Variants in TMTC2 observed in about 807,000 individuals in gnomAD.
The protein encoded by TMTC2 is protein O-mannosyl-transferase TMTC2.
TMTC2 carries 43 observed loss-of-function variants against 82.4 expected under a neutral mutation model. That is an observed-to-expected ratio of 0.52 (90% CI 0.41 to 0.67). TMTC2 has a LOEUF of 0.67. Among genes scored for constraint, TMTC2 ranks in the 30% least tolerant of loss-of-function variants. The probability of loss-of-function intolerance (pLI) is 0.00; values close to 1 mark genes in which losing one functional copy is unlikely to be tolerated. For missense variants in TMTC2, 919 were observed against 1,012.4 expected (o/e 0.91, Z 1.25); for synonymous variants, 408 against 381.9 (o/e 1.07, Z -0.80).
rs531217023 is a variant in TMTC2 at position 82,849,765 on chromosome 12, T to C, written c.84-7245T>C. Among the ~76,000 whole-genome samples the C allele has an allele frequency of 1.3e-5, 2 of 152,266 alleles. 1 individual carries two copies. The highest frequency in any genetic ancestry group is 4.8e-5 in the African/African-American group (2 of 41,518). ...TACTTTATGACTAAGAGGCATTTAC[T>C]GGCTTATTTGACAGTATAGTACTAG... On this transcript the variant is annotated intron_variant, in intron 1 of 11. Coordinates refer to ENST00000321196, the MANE Select transcript of TMTC2 (RefSeq NM_152588.3).
intron 1 of TMTC2, among the ~76,000 whole-genome samples, chr12:82,716,902 C>T (rs1425025413): frequency 6.6e-6 from 1 of 152,096 alleles, no homozygotes; most frequent in African/African-American, 2.4e-5. Context: ...GCTCTTTCTG[C>T]AATTTGTTGA....
chr12:82,866,213 A>G (rs1266966227), intron 2 of TMTC2, among the ~76,000 whole-genome samples: 1 of 151,280 alleles, frequency 6.6e-6, no homozygotes. Flanking sequence ...GAAAAAATCA[A>G]TGAATCCAGG....
intron 11 of TMTC2, among the ~76,000 whole-genome samples, chr12:83,076,349 G>A (rs1883282607): frequency 6.6e-6 from 1 of 152,062 alleles, no homozygotes; most frequent in South Asian, 2.1e-4. Flanking sequence ...CAAAACCTTT[G>A]GGAAATTTCA....
intron 1 of TMTC2, among the ~76,000 whole-genome samples, chr12:82,846,618 G>A (rs1292164961): frequency 2.0e-5 from 3 of 152,044 alleles, no homozygotes; most frequent in East Asian, 1.9e-4. Context: ...GGAAAAACTC[G>A]TAAAGGGATG....
At chr12:82,723,972 G>A (rs1404610839) in intron 1 of TMTC2, among the ~76,000 whole-genome samples, 2 of 152,180 alleles carry the variant, frequency 1.3e-5, no homozygotes, top group Admixed American at 6.5e-5. Flanking sequence ...GGTGACCCTG[G>A]ATAAACCACT....
intron 4 of TMTC2, among the ~76,000 whole-genome samples, chr12:82,937,773 T>TATATAC (rs1876444394): frequency 8.1e-5 from 2 of 24,586 alleles, no homozygotes; most frequent in African/African-American, 2.4e-4. Flanking sequence ...TATATATATA[T>TATATAC]ATATATATAT....
intron 8 of TMTC2, chr12:82,986,554 C>T (rs1025759518): frequency 2.0e-5 from 3 of 153,200 alleles, no homozygotes; most frequent in Non-Finnish European, 2.9e-5. Flanking sequence ...TTCTACAAAC[C>T]AGTGTTAGCC....
chr12:83,018,602 C>A (rs534281335), intron 8 of TMTC2, among the ~76,000 whole-genome samples: 27 of 151,632 alleles, frequency 1.8e-4, no homozygotes, highest in Non-Finnish European at 2.4e-4. Flanking sequence ...TATTGGAAAC[C>A]AGTTTTTCAT....
At chr12:82,717,661 A>C (rs1873963893) in intron 1 of TMTC2, among the ~76,000 whole-genome samples, 1 of 152,172 alleles carries the variant, frequency 6.6e-6, no homozygotes, top group Non-Finnish European at 1.5e-5. Flanking sequence ...TCAATTATAC[A>C]ATATACTTTA....
chr12:83,083,534 A>G (rs1329519972), intron 11 of TMTC2, among the ~76,000 whole-genome samples: 5 of 152,134 alleles, frequency 3.3e-5, no homozygotes, highest in Non-Finnish European at 7.3e-5. Flanking sequence ...CCTCTCTAGA[A>G]CATGAATTCT....
intron 3 of TMTC2, among the ~76,000 whole-genome samples, chr12:82,922,863 G>T (rs747588943): frequency 6.6e-6 from 1 of 152,032 alleles, no homozygotes; most frequent in African/African-American, 2.4e-5. Context: ...TCCTAATGCT[G>T]CATAGGAGTG....
chr12:82,772,100 A>G (rs1877345466), intron 1 of TMTC2, among the ~76,000 whole-genome samples: 1 of 152,042 alleles, frequency 6.6e-6, no homozygotes, highest in Non-Finnish European at 1.5e-5. Context: ...TTCCTGCTGC[A>G]TTTGTTGTTT....
chr12:82,706,026 A>G (rs1160096947), intron 1 of TMTC2, among the ~76,000 whole-genome samples: 1 of 151,992 alleles, frequency 6.6e-6, no homozygotes, highest in African/African-American at 2.4e-5. Flanking sequence ...ATGAGAGAGA[A>G]GGCTGGGTGA....
chr12:82,955,149 T>C (rs537478436), intron 4 of TMTC2, among the ~76,000 whole-genome samples: 86 of 152,332 alleles, frequency 5.6e-4, no homozygotes, highest in African/African-American at 1.8e-3. Context: ...AAGGCTGTTC[T>C]GTGCCTTGTA....
At chr12:82,696,314 A>G (rs993229936) in intron 1 of TMTC2, among the ~76,000 whole-genome samples, 1 of 152,210 alleles carries the variant, frequency 6.6e-6, no homozygotes, top group African/African-American at 2.4e-5. Flanking sequence ...TAGGAAGGTT[A>G]TTCTTGTTAT....
chr12:82,867,958 T>A (rs1871952708), intron 2 of TMTC2, among the ~76,000 whole-genome samples: 1 of 152,226 alleles, frequency 6.6e-6, no homozygotes. Context: ...GCCATTGGAC[T>A]GGTGCCTGCA....
chr12:82,832,914 T>G lies in TMTC2; in HGVS notation c.84-24096T>G, dbSNP rs538678224. ...AGTCCCAGTTCCCTGTTGGTCCCAC[T>G]TCCCGTGGAAATTTAATGTAAAACT... On this transcript the variant is annotated intron_variant, in intron 1 of 11. Transcript: ENST00000321196. 2.0e-5 allele frequency among the ~76,000 whole-genome samples: 3 copies of G among 152,316 alleles called. No individual in the cohort carries two copies. In the East Asian group the frequency reaches 5.8e-4, roughly 29 times the overall value.
In TMTC2 at chr12:83,121,382, T is replaced by C. The variant is rs142105317; in HGVS notation, c.2332-10828T>C. Among the ~76,000 whole-genome samples the C allele has an allele frequency of 4.1e-4, 62 of 152,286 alleles. No individual in the cohort carries two copies. In the East Asian group the frequency reaches 0.01, roughly 25 times the overall value. ...AATACTCTCCCCCTTTTCCTATGGATGTGGCTTCCTGTGAGCCAAGCTGTA... is the reference window on the plus strand; with the variant it reads ...AATACTCTCCCCCTTTTCCTATGGACGTGGCTTCCTGTGAGCCAAGCTGTA... On this transcript the variant is annotated intron_variant, in intron 11 of 11. Coordinates refer to ENST00000321196, the MANE Select transcript of TMTC2 (RefSeq NM_152588.3).
intron 4 of TMTC2, among the ~76,000 whole-genome samples, chr12:82,934,875 A>G (rs1876234032): frequency 1.3e-5 from 2 of 152,122 alleles, no homozygotes; most frequent in Non-Finnish European, 2.9e-5. Flanking sequence ...TATCCTTTCC[A>G]GCATCTGTTG....
Sources: gnomAD v4.1 joint callset for allele counts (sites outside exome capture counted in the v4.1 genomes callset) on GRCh38, gnomAD v4.1.1 for gene constraint, MANE v1.5 for transcripts, NCBI Gene and HGNC (gene_info 2026-07-23, HGNC 2026-07-21) for gene names.